Variants in UBR1 observed in about 807,000 individuals in gnomAD.
The protein encoded by UBR1 is ubiquitin protein ligase E3 component n-recognin 1, also known as E3 ubiquitin-protein ligase UBR1.
Under a neutral mutation model 242.1 loss-of-function variants are expected in UBR1, and 102 were observed. The observed-to-expected ratio is 0.42, with a 90% CI of 0.36 to 0.50. The LOEUF is 0.50. Among genes scored for constraint, UBR1 ranks in the 20% least tolerant of loss-of-function variants. The pLI is 0.01. For synonymous variants in UBR1, 675 were observed against 684.8 expected, an observed-to-expected ratio of 0.99 and a Z score of 0.22; for missense variants, 1,772 against 2,101.8, an observed-to-expected ratio of 0.84 and a Z score of 3.07.
At chr15:43,021,028 G>A in intron 27 of UBR1, 1 of 398,644 alleles carries the variant, frequency 2.5e-6, no homozygotes, top group East Asian at 5.6e-5. Flanking sequence ...AAATCTATAA[G>A]TGAGCATGGC....
intron 1 of UBR1, among the ~76,000 whole-genome samples, chr15:43,098,804 T>C (rs2034191296): frequency 6.6e-6 from 1 of 152,204 alleles, no homozygotes; most frequent in Non-Finnish European, 1.5e-5. Context: ...AATTATGAGA[T>C]GGTGAAAAAA....
chr15:43,009,894 C>T (rs1171652684), intron 29 of UBR1, among the ~76,000 whole-genome samples: 1 of 152,170 alleles, frequency 6.6e-6, no homozygotes, highest in African/African-American at 2.4e-5. Context: ...TTGTTTGAGA[C>T]AGAGTCTTGC....
At chr15:43,068,249 C>T (rs185875747) in intron 5 of UBR1, among the ~76,000 whole-genome samples, 450 of 141,868 alleles carry the variant, frequency 3.2e-3, no homozygotes, top group African/African-American at 0.011. Flanking sequence ...AGTGCAGTGA[C>T]GCAACCTCGA....
At chr15:43,102,961 G>C (rs192345535) in intron 1 of UBR1, among the ~76,000 whole-genome samples, 1 of 152,320 alleles carries the variant, frequency 6.6e-6, no homozygotes, top group Admixed American at 6.5e-5. Context: ...TTGAGGTCAG[G>C]AGTTCGAGAC....
At chr15:42,945,520 C>A (rs2031718449) in intron 46 of UBR1, 50 bp from the exon 47 acceptor site, 3 of 1,605,148 alleles carry the variant, frequency 1.9e-6, no homozygotes, top group Non-Finnish European at 2.6e-6. Context: ...CTAGTAACTG[C>A]CACATCTTTA....
At chr15:42,970,402 C>T in intron 40 of UBR1, 118 bp downstream of exon 40, 3 of 1,068,852 alleles carry the variant, frequency 2.8e-6, no homozygotes, top group Admixed American at 1.8e-5. Context: ...ACAAGAAAAC[C>T]TAGGCAATAA....
chr15:43,067,225 G>GTT (rs541752203), intron 6 of UBR1, among the ~76,000 whole-genome samples: 3 of 150,254 alleles, frequency 2.0e-5, no homozygotes, highest in African/African-American at 7.3e-5. Flanking sequence ...GTACCCTTTT[G>GTT]TTTTTTTTTG....
intron 15 of UBR1, among the ~76,000 whole-genome samples, chr15:43,039,448 T>TGGGA (rs1346366193): frequency 6.6e-6 from 1 of 152,202 alleles, no homozygotes; most frequent in African/African-American, 2.4e-5. Context: ...CAATTGTGAA[T>TGGGA]GGGAGTTCAC....
At chr15:43,099,335 A>C (rs534127158) in intron 1 of UBR1, among the ~76,000 whole-genome samples, 2 of 151,362 alleles carry the variant, frequency 1.3e-5, no homozygotes, top group East Asian at 3.9e-4. Flanking sequence ...AAAAAAACAA[A>C]AAAAAAAAGT....
At chr15:43,011,702 T>C (rs2141292964) in intron 29 of UBR1, among the ~76,000 whole-genome samples, 1 of 152,224 alleles carries the variant, frequency 6.6e-6, no homozygotes, top group South Asian at 2.1e-4. Context: ...GTAAAACCAC[T>C]CTGGATGGTA....
chr15:43,045,962 T>C (rs987930653), intron 14 of UBR1, among the ~76,000 whole-genome samples: 5 of 152,208 alleles, frequency 3.3e-5, no homozygotes, highest in Admixed American at 1.3e-4. Context: ...TCAAGGAAGA[T>C]GGAAACTAAG....
rs776169122 is a variant in UBR1, at chr15:43,037,875, A to T, written c.1920T>A (p.Phe640Leu). ...RLHEFVSFEDFQVEVLVEYPL... is the reference protein window; with the variant it reads ...RLHEFVSFEDLQVEVLVEYPL... The stretch of plus-strand genomic sequence containing the variant: ...GATATTCCACTAGTACCTCTACTTG[A>T]AAGTCCTCCTGAAATAGAGTGAGTT... Residue 640 changes from phenylalanine (F) to leucine (L), a missense_variant, in exon 17 of 47, where the codon TTT becomes TTA. Phe to Leu is a conservative substitution (Grantham distance 22). Coordinates refer to ENST00000290650, the MANE Select transcript of UBR1 (RefSeq NM_174916.3). 7.4e-6 allele frequency: 12 copies of T among 1,613,604 alleles called. No individual in the cohort carries two copies. The highest frequency in any genetic ancestry group is 2.2e-5 in the South Asian group (2 of 91,008).
intron 12 of UBR1, among the ~76,000 whole-genome samples, chr15:43,052,523 C>T (rs1295158951): frequency 6.6e-6 from 1 of 152,190 alleles, no homozygotes; most frequent in African/African-American, 2.4e-5. Flanking sequence ...CTAGTACCAA[C>T]AAACTTATTT....
intron 6 of UBR1, among the ~76,000 whole-genome samples, chr15:43,062,386 T>C (rs2033699795): frequency 6.6e-6 from 1 of 152,122 alleles, no homozygotes; most frequent in Admixed American, 6.6e-5. Context: ...GTATGAGATA[T>C]CTAAAATAGT....
At chr15:42,973,998 C>G (rs942745465) in intron 39 of UBR1, among the ~76,000 whole-genome samples, 9 of 150,460 alleles carry the variant, frequency 6.0e-5, no homozygotes, top group African/African-American at 2.2e-4. Flanking sequence ...ACGCCATTCT[C>G]CTGCCTCAGC....
chr15:43,015,971 G>A, intron 28 of UBR1, 102 bp from the exon 29 acceptor site: 1 of 1,033,696 alleles, frequency 9.7e-7, no homozygotes, highest in South Asian at 1.4e-5. Context: ...CTGAAACCCT[G>A]ATTACCCCTT....
intron 5 of UBR1, 73 bp downstream of exon 5, chr15:43,070,722 C>G (rs1381894267): frequency 7.5e-6 from 12 of 1,594,540 alleles, no homozygotes; most frequent in Non-Finnish European, 1.0e-5. Context: ...ATAACAAAAA[C>G]AATTATCAAA....
intron 37 of UBR1, among the ~76,000 whole-genome samples, chr15:42,980,972 A>G (rs576749270): frequency 7.2e-5 from 11 of 152,222 alleles, no homozygotes; most frequent in East Asian, 5.8e-4. Flanking sequence ...AATAGCTCCT[A>G]TTCTGGACTT....
rs1482747871 is a variant in UBR1 at position 42,944,035 on chromosome 15, A to G, written c.*1294T>C. 1 of 152,272 alleles carries G rather than the reference A, an allele frequency of 6.6e-6. No homozygotes were observed. The highest frequency in any genetic ancestry group is 2.4e-5 in the African/African-American group (1 of 41,464). The allele number at this position is 152,272 out of a possible 1,614,324, so 9.4% of individuals were successfully genotyped here. A position where few individuals can be genotyped will look rare whatever the true frequency, so the allele number is the denominator to read the frequency against. ...TTGCTGAGCAAAAAGAAGGTAGGAA[A>G]ACATTTACACACATATGTGAGACAC... On this transcript the variant is annotated 3_prime_UTR_variant, in exon 47 of 47. Transcript: ENST00000290650.
Sources: allele counts gnomAD v4.1 joint callset (sites outside exome capture counted in the v4.1 genomes callset), GRCh38; gene constraint gnomAD v4.1.1; transcripts MANE v1.5; gene names NCBI Gene and HGNC (gene_info 2026-07-23, HGNC 2026-07-21).